AK4: variants seen among roughly 807,000 people sequenced by gnomAD.
The protein encoded by AK4 is adenylate kinase 4, mitochondrial.
A neutral mutation model predicts 24.6 loss-of-function variants in AK4; 13 were observed. That is an observed-to-expected ratio of 0.53 (90% CI 0.34 to 0.84). The LOEUF (loss-of-function observed/expected upper bound fraction) is 0.84. Ranked by LOEUF, AK4 falls within the 40% of genes least tolerant of loss-of-function variation. The probability of loss-of-function intolerance (pLI) is 0.01; values close to 1 mark genes in which losing one functional copy is unlikely to be tolerated. For missense variants in AK4, 192 were observed against 288.2 expected (o/e 0.67, Z 2.42); for synonymous variants, 88 against 107.0 (o/e 0.82, Z 1.10).
chr1:65,203,095 A>G (rs1570123422), intron 2 of AK4, among the ~76,000 whole-genome samples: 1 of 151,128 alleles, frequency 6.6e-6, no homozygotes, highest in East Asian at 2.0e-4. Flanking sequence ...CTAGTCTTGA[A>G]CTCCTATCCT....
At chr1:65,150,289 T>TTA (rs1649727220) in intron 1 of AK4, among the ~76,000 whole-genome samples, 1 of 128,602 alleles carries the variant, frequency 7.8e-6, no homozygotes, top group African/African-American at 4.8e-5. Flanking sequence ...CTCTCTCTTT[T>TTA]TTTTTTTTAA....
chr1:65,170,807 T>A (rs999333770), intron 1 of AK4, among the ~76,000 whole-genome samples: 1 of 152,130 alleles, frequency 6.6e-6, no homozygotes, highest in African/African-American at 2.4e-5. Flanking sequence ...GCCAAAAAAA[T>A]TTGCAGAATC....
intron 2 of AK4, among the ~76,000 whole-genome samples, chr1:65,203,477 C>T (rs1186807426): frequency 6.6e-6 from 1 of 152,100 alleles, no homozygotes; most frequent in East Asian, 1.9e-4. Context: ...AACATATTCA[C>T]CCCTCATAAA....
intron 1 of AK4, among the ~76,000 whole-genome samples, chr1:65,170,998 T>C (rs1387957296): frequency 3.5e-5 from 5 of 141,602 alleles, no homozygotes; most frequent in Non-Finnish European, 6.1e-5. Flanking sequence ...TGCTTTGCCA[T>C]CCAGGCTGGA....
intron 1 of AK4, among the ~76,000 whole-genome samples, chr1:65,150,984 C>T (rs1232921798): frequency 1.2e-4 from 19 of 152,112 alleles, no homozygotes; most frequent in African/African-American, 4.1e-4. Context: ...AGACGAGTCT[C>T]GTTCTGTCAC....
intron 2 of AK4, among the ~76,000 whole-genome samples, chr1:65,198,227 T>C (rs1051361143): frequency 3.0e-4 from 45 of 152,200 alleles, no homozygotes; most frequent in African/African-American, 1.1e-3. Flanking sequence ...TGGTGATTTC[T>C]AAAGAATGAA....
At chr1:65,207,133 A>C (rs915700237) in intron 2 of AK4, among the ~76,000 whole-genome samples, 54 of 152,286 alleles carry the variant, frequency 3.5e-4, no homozygotes, top group African/African-American at 1.3e-3. Flanking sequence ...TCTTCTGCTT[A>C]TCAGTGGATC....
At chr1:65,170,905 T>C (rs954269733) in intron 1 of AK4, among the ~76,000 whole-genome samples, 3 of 152,076 alleles carry the variant, frequency 2.0e-5, no homozygotes, top group Non-Finnish European at 2.9e-5. Context: ...GGTGTCTCCT[T>C]GTTAGGGTGT....
intron 1 of AK4, among the ~76,000 whole-genome samples, chr1:65,148,806 A>G (rs929666976): frequency 2.0e-5 from 3 of 151,968 alleles, no homozygotes; most frequent in African/African-American, 7.2e-5. Flanking sequence ...CGCGAGGAAT[A>G]GCCCGAGCCA....
At chr1:65,161,447 A>C (rs1378704314) in intron 1 of AK4, among the ~76,000 whole-genome samples, 1 of 152,164 alleles carries the variant, frequency 6.6e-6, no homozygotes, top group Non-Finnish European at 1.5e-5. Flanking sequence ...GGGGTCATAG[A>C]CAAGGCAGCA....
intron 3 of AK4, among the ~76,000 whole-genome samples, chr1:65,223,501 G>A (rs1330846700): frequency 6.6e-6 from 1 of 151,944 alleles, no homozygotes; most frequent in Admixed American, 6.6e-5. Flanking sequence ...ACTGATAAAT[G>A]TTATCACGTA....
At position 65,230,520 on chromosome 1, in the gene AK4, G is replaced by A. The variant is rs1212548204; in HGVS notation, c.*4343G>A. ...GTACTGTCTGTTTACTTCATGTTAG[G>A]CACATTACATGCATTGGCTAATCAA... On this transcript the variant is annotated 3_prime_UTR_variant, in exon 5 of 5. Transcript: ENST00000327299. The A allele has an allele frequency of 6.6e-6, 1 of 152,092 alleles. No individual in the cohort carries two copies. Among genetic ancestry groups the A allele is most frequent in the Non-Finnish European group, 1.5e-5 (1 of 68,024 alleles). The allele number at this position is 152,092 out of a possible 1,614,324, so 9.4% of individuals were successfully genotyped here. A position where few individuals can be genotyped will look rare whatever the true frequency, so the allele number is the denominator to read the frequency against.
intron 1 of AK4, among the ~76,000 whole-genome samples, chr1:65,167,609 A>C (rs1029753777): frequency 1.3e-5 from 2 of 152,162 alleles, no homozygotes; most frequent in African/African-American, 4.8e-5. Flanking sequence ...CTTAGAGACT[A>C]AACACTATGC....
At position 65,226,952 on chromosome 1, in the gene AK4, A is replaced by G. The variant is rs927713959; in HGVS notation, c.*775A>G. On this transcript the variant is annotated 3_prime_UTR_variant, in exon 5 of 5. Transcript: ENST00000327299. Reference sequence around the variant, plus strand: ...GTATGCACTGAGAACTGAGCTATGAAGAGGATCTTATTAAACTGCTGGTCT... The same window carrying G: ...GTATGCACTGAGAACTGAGCTATGAGGAGGATCTTATTAAACTGCTGGTCT... 4 of 149,222 alleles carry G rather than the reference A, an allele frequency of 2.7e-5. No homozygotes were observed. Among genetic ancestry groups the G allele is most frequent in the African/African-American group, 1.0e-4 (4 of 39,856 alleles). 9.2% of individuals were successfully genotyped at this position (149,222 alleles called of 1,614,324 possible).
intron 2 of AK4, among the ~76,000 whole-genome samples, chr1:65,218,327 G>C (rs1652193514): frequency 6.6e-6 from 1 of 152,184 alleles, no homozygotes; most frequent in Non-Finnish European, 1.5e-5. Context: ...TGCCTGAGGT[G>C]ACACAGGTAG....
At chr1:65,163,380 G>A (rs1476872572) in intron 1 of AK4, among the ~76,000 whole-genome samples, 1 of 152,190 alleles carries the variant, frequency 6.6e-6, no homozygotes, top group Non-Finnish European at 1.5e-5. Context: ...CCACATGGTG[G>A]AAGAAGATTT....
At chr1:65,154,037 A>G (rs1649887779) in intron 1 of AK4, among the ~76,000 whole-genome samples, 1 of 152,194 alleles carries the variant, frequency 6.6e-6, no homozygotes, top group Admixed American at 6.5e-5. Flanking sequence ...AAGCCAAGGA[A>G]GGGTTTTCCA....
rs1652652004 is a variant in AK4 at position 65,231,689 on chromosome 1, T to C, written c.*5512T>C. On this transcript the variant is annotated 3_prime_UTR_variant, in exon 5 of 5. Coordinates refer to ENST00000327299, the MANE Select transcript of AK4 (RefSeq NM_013410.4). ...GGGAAGAAAAATGAAAACTCAGTCT[T>C]TATGTAAGCTCCAAGGATATTAGGG... is the stretch of plus-strand genomic sequence containing the variant. The C allele has an allele frequency of 6.6e-6, 1 of 152,208 alleles. No homozygotes were observed. The highest frequency in any genetic ancestry group is 1.5e-5 in the Non-Finnish European group (1 of 68,032). The allele number at this position is 152,208 out of a possible 1,614,324, so 9.4% of individuals were successfully genotyped here.
At chr1:65,161,232 TC>T (rs1257347301) in intron 1 of AK4, among the ~76,000 whole-genome samples, 1 of 152,114 alleles carries the variant, frequency 6.6e-6, no homozygotes, top group Non-Finnish European at 1.5e-5. Context: ...TGGTAAGAGT[TC>T]AGGAATAATG....
Sources: allele counts gnomAD v4.1 joint callset (sites outside exome capture counted in the v4.1 genomes callset), GRCh38; gene constraint gnomAD v4.1.1; transcripts MANE v1.5; gene names NCBI Gene and HGNC (gene_info 2026-07-23, HGNC 2026-07-21).